The following AFG1L variants were observed in gnomAD, a reference collection of about 807,000 sequenced individuals.
AFG1L encodes the protein AFG1 like ATPase.
Under a neutral mutation model 62.2 loss-of-function variants are expected in AFG1L, and 53 were observed. The observed-to-expected ratio is 0.85, with a 90% CI of 0.68 to 1.07. The LOEUF (loss-of-function observed/expected upper bound fraction) is 1.07. Ranked by LOEUF, AFG1L falls within the 50% of genes least tolerant of loss-of-function variation. The probability of loss-of-function intolerance (pLI) is 0.00; values close to 1 mark genes in which losing one functional copy is unlikely to be tolerated. For missense variants in AFG1L, 555 were observed against 590.5 expected (o/e 0.94, Z 0.62); for synonymous variants, 228 against 210.3 (o/e 1.08, Z -0.73).
chr6:108,487,590 A>G (rs1773619199), intron 10 of AFG1L, among the ~76,000 whole-genome samples: 1 of 152,184 alleles, frequency 6.6e-6, no homozygotes, highest in African/African-American at 2.4e-5. Context: ...TCTCCTTTAA[A>G]GAGCAGTGCT....
In AFG1L at chr6:108,356,751, T is replaced by C. The variant is rs1779306375; in HGVS notation, c.579T>C (p.Tyr193=). 6.2e-7 allele frequency: 1 copy of C among 1,613,282 alleles called. No individual in the cohort carries two copies. Among genetic ancestry groups the C allele is most frequent in the Admixed American group, 1.7e-5 (1 of 59,970 alleles). The change falls in exon 5 of 13, where the codon TAT becomes TAC. Residue 193 remains tyrosine, a synonymous_variant. Transcript: ENST00000368977. ...AACCAGGATTCATGGCTAAATCATA[T>C]GACCCAATAGCTCCCATAGCCGAAG... ...KRKPGFMAKS[Y]DPIAPIAEEI... is the part of the protein sequence containing the mutation.
rs1468609739 is a variant in AFG1L at position 108,518,212 on chromosome 6, AT to A, written c.1204-1483del. Among the ~76,000 whole-genome samples, 17 of 152,282 alleles carry A rather than the reference AT, an allele frequency of 1.1e-4. No individual in the cohort carries two copies. In the East Asian group the frequency reaches 3.1e-3, roughly 28 times the overall value. ...TAAAGACACATGCACACGTATGTTT[AT>A]TGTGGCACTATTCACAATAGCAAAG... On this transcript the variant is annotated intron_variant, in intron 11 of 12. Transcript: ENST00000368977.
chr6:108,400,355 G>T (rs1781513446), intron 6 of AFG1L, among the ~76,000 whole-genome samples: 1 of 151,264 alleles, frequency 6.6e-6, no homozygotes, highest in Non-Finnish European at 1.5e-5. Flanking sequence ...TTATGTTGAG[G>T]TCCGTTATTT....
chr6:108,501,921 A>G (rs1044817355), intron 10 of AFG1L, among the ~76,000 whole-genome samples: 3 of 152,270 alleles, frequency 2.0e-5, no homozygotes, highest in Admixed American at 1.3e-4. Context: ...TCAAAAAAAT[A>G]CATACTTTAA....
intron 10 of AFG1L, among the ~76,000 whole-genome samples, chr6:108,508,100 A>G (rs1031080723): frequency 2.0e-5 from 3 of 152,238 alleles, no homozygotes; most frequent in African/African-American, 7.2e-5. Flanking sequence ...TCTGTCAGAT[A>G]GGAATCAAAT....
At chr6:108,514,760 A>G (rs905674566) in intron 11 of AFG1L, among the ~76,000 whole-genome samples, 1 of 152,202 alleles carries the variant, frequency 6.6e-6, no homozygotes, top group African/African-American at 2.4e-5. Context: ...CCCATCTCAC[A>G]TGCAGAGACA....
chr6:108,495,007 T>A (rs1293911861), intron 10 of AFG1L, among the ~76,000 whole-genome samples: 1 of 152,066 alleles, frequency 6.6e-6, no homozygotes, highest in Non-Finnish European at 1.5e-5. Context: ...ACTCCTGACC[T>A]CAAGTGATCC....
chr6:108,367,620 A>G (rs1281193181), intron 6 of AFG1L, among the ~76,000 whole-genome samples: 1 of 152,160 alleles, frequency 6.6e-6, no homozygotes, highest in Non-Finnish European at 1.5e-5. Flanking sequence ...CTACAGAAAA[A>G]GCAGATTTGG....
chr6:108,404,921 G>A (rs1387420708), intron 7 of AFG1L, among the ~76,000 whole-genome samples: 1 of 151,846 alleles, frequency 6.6e-6, no homozygotes, highest in Non-Finnish European at 1.5e-5. Flanking sequence ...GTAGAGATGG[G>A]GTTTCACCAT....
At chr6:108,490,008 G>A (rs1375908241) in intron 10 of AFG1L, among the ~76,000 whole-genome samples, 1 of 152,162 alleles carries the variant, frequency 6.6e-6, no homozygotes, top group Non-Finnish European at 1.5e-5. Flanking sequence ...TTTAATCAAA[G>A]GCACAGGAGA....
Position 108,402,068 on chromosome 6 carries a change from AT to A in AFG1L, c.807+17del. 4 of 1,399,540 alleles carry A rather than the reference AT, an allele frequency of 2.9e-6. No individual in the cohort carries two copies. The highest frequency in any genetic ancestry group is 2.9e-6 in the Non-Finnish European group (3 of 1,031,676). The allele number at this position is 1,399,540 out of a possible 1,614,324, so 86.7% of individuals were successfully genotyped here. On this transcript the variant is annotated intron_variant, in intron 7 of 12. Coordinates refer to ENST00000368977, the MANE Select transcript of AFG1L (RefSeq NM_145315.5). ...GCAGTCTTGAAGGTAAAAACAAATC[AT>A]TTATTTGTGTTTACTAAGATCATAC...
chr6:108,326,353 G>A (rs913930794), intron 2 of AFG1L, among the ~76,000 whole-genome samples: 2 of 152,152 alleles, frequency 1.3e-5, no homozygotes, highest in Admixed American at 1.3e-4. Context: ...TAATTGGTGT[G>A]AGTCACCACA....
At chr6:108,516,656 A>G in intron 11 of AFG1L, among the ~76,000 whole-genome samples, 1 of 152,210 alleles carries the variant, frequency 6.6e-6, no homozygotes, top group Non-Finnish European at 1.5e-5. Flanking sequence ...GGCCAGGGCA[A>G]TCGGGCAGGA....
chr6:108,342,951 A>G (rs1469947774), intron 2 of AFG1L, among the ~76,000 whole-genome samples: 3 of 152,120 alleles, frequency 2.0e-5, no homozygotes, highest in Admixed American at 6.5e-5. Flanking sequence ...ATATAATACA[A>G]CATAACAGAT....
chr6:108,454,055 C>T (rs1286698551), intron 8 of AFG1L, among the ~76,000 whole-genome samples: 1 of 152,062 alleles, frequency 6.6e-6, no homozygotes, highest in Non-Finnish European at 1.5e-5. Context: ...GTATGCACAC[C>T]CCATTGAAAT....
chr6:108,355,569 C>A (rs1182988531), intron 3 of AFG1L, 85 bp from the exon 4 acceptor site: 3 of 648,148 alleles, frequency 4.6e-6, no homozygotes, highest in Non-Finnish European at 7.4e-6. Flanking sequence ...AGTATGGTTT[C>A]ATTATCTCAA....
At chr6:108,514,013 G>A (rs1392930671) in intron 11 of AFG1L, among the ~76,000 whole-genome samples, 2 of 152,188 alleles carry the variant, frequency 1.3e-5, no homozygotes, top group Non-Finnish European at 2.9e-5. Context: ...GGTCTGGAGT[G>A]GACCTCCAGC....
chr6:108,365,686 A>G (rs1779729469), intron 5 of AFG1L, among the ~76,000 whole-genome samples: 1 of 152,050 alleles, frequency 6.6e-6, no homozygotes, highest in African/African-American at 2.4e-5. Context: ...GCACAATAGT[A>G]TCTATGTCAT....
At chr6:108,493,604 C>T (rs1182965847) in intron 10 of AFG1L, among the ~76,000 whole-genome samples, 2 of 152,180 alleles carry the variant, frequency 1.3e-5, no homozygotes, top group African/African-American at 4.8e-5. Context: ...AGCAACTTGA[C>T]TTCTCCTAGA....
Sources: gnomAD v4.1 joint callset for allele counts (sites outside exome capture counted in the v4.1 genomes callset) on GRCh38, gnomAD v4.1.1 for gene constraint, MANE v1.5 for transcripts, NCBI Gene and HGNC (gene_info 2026-07-23, HGNC 2026-07-21) for gene names.